USP13: variants seen among roughly 807,000 people sequenced by gnomAD.
USP13 encodes ubiquitin carboxyl-terminal hydrolase 13.
In USP13, 68 loss-of-function variants were observed where a neutral mutation model predicts 107.8. The ratio of observed to expected loss-of-function variants is 0.63; its 90% CI spans 0.52 to 0.77. The LOEUF is 0.77. USP13 is among the 30% of genes least tolerant of loss of function. The probability of loss-of-function intolerance (pLI) is 0.00; values close to 1 mark genes in which losing one functional copy is unlikely to be tolerated. For synonymous variants in USP13, 377 were observed against 389.5 expected, an observed-to-expected ratio of 0.97 and a Z score of 0.38; for missense variants, 945 against 1,093.3, an observed-to-expected ratio of 0.86 and a Z score of 1.91.
intron 15 of USP13, among the ~76,000 whole-genome samples, chr3:179,756,413 A>AAAACAAACAAAC (rs71628093): frequency 6.7e-6 from 1 of 150,186 alleles, no homozygotes; most frequent in Admixed American, 6.6e-5. Context: ...CTGTCTCAAA[A>AAAACAAACAAAC]AAACAAACAA....
chr3:179,722,772 T>C (rs1342071038), intron 8 of USP13, among the ~76,000 whole-genome samples: 2 of 152,186 alleles, frequency 1.3e-5, no homozygotes, highest in African/African-American at 4.8e-5. Flanking sequence ...TTAACCATCC[T>C]AATTGTATTT....
chr3:179,703,380 T>A (rs1178594144), intron 4 of USP13, among the ~76,000 whole-genome samples: 3 of 152,212 alleles, frequency 2.0e-5, no homozygotes, highest in African/African-American at 7.2e-5. Flanking sequence ...TTCCTTCATC[T>A]TCTGAGTGTT....
At chr3:179,668,081 C>T (rs1720637900) in intron 1 of USP13, among the ~76,000 whole-genome samples, 2 of 152,200 alleles carry the variant, frequency 1.3e-5, no homozygotes, top group Non-Finnish European at 2.9e-5. Context: ...AGCTCTAATG[C>T]GTAGGAGTCC....
At chr3:179,674,518 T>G (rs1270164649) in intron 1 of USP13, among the ~76,000 whole-genome samples, 2 of 152,254 alleles carry the variant, frequency 1.3e-5, no homozygotes, top group African/African-American at 4.8e-5. Flanking sequence ...TGCAGTATTT[T>G]CTTGTGCTTA....
rs750798738 is a variant in USP13 at position 179,690,244 on chromosome 3, G to T, written c.298G>T (p.Val100Leu). 1 of 1,613,712 alleles carries T rather than the reference G, an allele frequency of 6.2e-7. No individual in the cohort carries two copies. Among genetic ancestry groups the T allele is most frequent in the Non-Finnish European group, 8.5e-7 (1 of 1,179,834 alleles). Residue 100 changes from valine (V) to leucine (L), a missense_variant, in exon 3 of 21, where the codon GTA (valine) becomes TTA (leucine). Transcript: ENST00000263966. ...TGATCTTTTGTTTTCTTTTCAGAAG[G>T]TAAGAGGGGCGTCTGGTGGAGCGTT... is the stretch of plus-strand genomic sequence containing the variant. ...MHLKRHVREK[V>L]RGASGGALPK...
intron 13 of USP13, among the ~76,000 whole-genome samples, chr3:179,751,754 C>G (rs894136666): frequency 6.6e-6 from 1 of 151,730 alleles, no homozygotes; most frequent in African/African-American, 2.4e-5. Flanking sequence ...GATGGAGTCT[C>G]ACTCTGTTGC....
chr3:179,709,161 C>T (rs1389700733), intron 6 of USP13, among the ~76,000 whole-genome samples: 1 of 152,178 alleles, frequency 6.6e-6, no homozygotes, highest in Non-Finnish European at 1.5e-5. Context: ...TTGAGGATAA[C>T]GATGATGATA....
chr3:179,687,072 C>T (rs1711899078), intron 2 of USP13, among the ~76,000 whole-genome samples: 1 of 152,226 alleles, frequency 6.6e-6, no homozygotes, highest in African/African-American at 2.4e-5. Flanking sequence ...AAGCTGATGA[C>T]ATTCAAATTA....
chr3:179,745,234 G>A lies in USP13; in HGVS notation c.1709+17G>A. On this transcript the variant is annotated intron_variant, in intron 13 of 20. Coordinates refer to ENST00000263966, the MANE Select transcript of USP13 (RefSeq NM_003940.3). ...GGGTGTGAAGTAAGTGTGTGTATATGTGGTGGCAGTGGGGTGAGGAGGGGC... is the reference window on the plus strand; with the variant it reads ...GGGTGTGAAGTAAGTGTGTGTATATATGGTGGCAGTGGGGTGAGGAGGGGC... The A allele has an allele frequency of 1.9e-6, 3 of 1,612,422 alleles. No homozygotes were observed. Among genetic ancestry groups the A allele is most frequent in the Non-Finnish European group, 2.5e-6 (3 of 1,179,118 alleles).
At chr3:179,708,143 C>T (rs1258163378) in intron 5 of USP13, among the ~76,000 whole-genome samples, 4 of 152,116 alleles carry the variant, frequency 2.6e-5, no homozygotes, top group Admixed American at 6.5e-5. Flanking sequence ...GCTCCATTGT[C>T]CCTCATAGAG....
At chr3:179,690,365 T>G in intron 3 of USP13, 64 bp downstream of exon 3, 1 of 1,386,356 alleles carries the variant, frequency 7.2e-7, no homozygotes, top group Non-Finnish European at 1.0e-6. Context: ...TGCATACTCA[T>G]GTGCATCTTT....
intron 13 of USP13, among the ~76,000 whole-genome samples, chr3:179,749,655 A>G (rs956879652): frequency 6.6e-6 from 1 of 152,344 alleles, no homozygotes; most frequent in Admixed American, 6.5e-5. Flanking sequence ...TTTACCCAAT[A>G]GGGCAAATAT....
intron 5 of USP13, among the ~76,000 whole-genome samples, chr3:179,707,296 A>G (rs1019358673): frequency 6.9e-6 from 1 of 145,916 alleles, no homozygotes; most frequent in East Asian, 2.1e-4. Flanking sequence ...TGAAGCTGCC[A>G]GTTGCAAGCA....
Position 179,741,545 on chromosome 3 carries a change from C to T in USP13, c.1381-652C>T, listed in dbSNP as rs373694290. Among the ~76,000 whole-genome samples, 60 of 151,760 alleles carry T rather than the reference C, an allele frequency of 4.0e-4. No individual in the cohort carries two copies. In the South Asian group the frequency reaches 7.7e-3, roughly 20 times the overall value. On this transcript the variant is annotated intron_variant, in intron 11 of 20. Coordinates refer to ENST00000263966, the MANE Select transcript of USP13 (RefSeq NM_003940.3). ...AATTTTTTTGTATTTTTAGTAGAGA[C>T]GGGGTTTCACCATGTTGGCCAGGCT...
At chr3:179,719,167 G>A (rs1233377430) in intron 6 of USP13, among the ~76,000 whole-genome samples, 1 of 152,132 alleles carries the variant, frequency 6.6e-6, no homozygotes, top group Admixed American at 6.5e-5. Context: ...CCTCAGCACA[G>A]AGCTTACCAA....
intron 17 of USP13, among the ~76,000 whole-genome samples, 171 bp downstream of exon 17, chr3:179,761,426 A>T (rs1001712420): frequency 1.4e-4 from 21 of 147,766 alleles, no homozygotes; most frequent in East Asian, 5.8e-4. Context: ...TTTTTTTTTT[A>T]AAAACAGCAG....
intron 1 of USP13, among the ~76,000 whole-genome samples, chr3:179,672,531 T>A (rs1720780071): frequency 6.6e-6 from 1 of 151,388 alleles, no homozygotes; most frequent in South Asian, 2.1e-4. Flanking sequence ...ACTACAGGTG[T>A]GTACCACCAT....
chr3:179,782,486 C>T (rs1715781589), intron 20 of USP13, among the ~76,000 whole-genome samples: 1 of 152,154 alleles, frequency 6.6e-6, no homozygotes, highest in Non-Finnish European at 1.5e-5. Flanking sequence ...TTCTTCAGAA[C>T]CTTCTCCCTG....
chr3:179,682,042 TC>T, intron 2 of USP13, 39 bp downstream of exon 2: 3 of 1,592,260 alleles, frequency 1.9e-6, no homozygotes, highest in Non-Finnish European at 2.6e-6. Flanking sequence ...CTTGATGTCT[TC>T]CCTGTAACGT....
Sources: gnomAD v4.1 joint callset for allele counts (sites outside exome capture counted in the v4.1 genomes callset) on GRCh38, gnomAD v4.1.1 for gene constraint, MANE v1.5 for transcripts, NCBI Gene and HGNC (gene_info 2026-07-23, HGNC 2026-07-21) for gene names.